Variants in PLCB4 observed in about 807,000 individuals in gnomAD.
PLCB4 encodes 1-phosphatidylinositol 4,5-bisphosphate phosphodiesterase beta-4.
A neutral mutation model predicts 178.8 loss-of-function variants in PLCB4; 77 were observed. The ratio of observed to expected loss-of-function variants is 0.43; its 90% CI spans 0.36 to 0.52. PLCB4 has a LOEUF of 0.52. Ranked by LOEUF, PLCB4 falls within the 20% of genes least tolerant of loss-of-function variation. The pLI is 0.00. For missense variants in PLCB4, 1,024 were observed against 1,453.4 expected (o/e 0.70, Z 4.80); for synonymous variants, 496 against 490.8 (o/e 1.01, Z -0.14).
chr20:9,311,808 A>G (rs1401666527), intron 4 of PLCB4, among the ~76,000 whole-genome samples: 1 of 152,204 alleles, frequency 6.6e-6, no homozygotes, highest in Non-Finnish European at 1.5e-5. Flanking sequence ...CTTAAGAAGG[A>G]GACTGCCATC....
At chr20:9,069,623 G>A (rs577941171) in intron 1 of PLCB4, among the ~76,000 whole-genome samples, 1 of 152,264 alleles carries the variant, frequency 6.6e-6, no homozygotes, top group East Asian at 1.9e-4. Flanking sequence ...ACACTGACAG[G>A]CTTAGCACTC....
intron 3 of PLCB4, among the ~76,000 whole-genome samples, chr20:9,240,438 C>T (rs2094046013): frequency 6.6e-6 from 1 of 152,148 alleles, no homozygotes; most frequent in African/African-American, 2.4e-5. Context: ...TCTCTCTGCT[C>T]ACCTTCTGCC....
intron 2 of PLCB4, among the ~76,000 whole-genome samples, chr20:9,107,889 A>G (rs1224397188): frequency 4.6e-5 from 7 of 151,976 alleles, no homozygotes; most frequent in Non-Finnish European, 1.0e-4. Context: ...GATTTTAACG[A>G]GGTTTGGAGG....
At chr20:9,166,409 G>A (rs567101551) in intron 2 of PLCB4, 134 of 152,322 alleles carry the variant, frequency 8.8e-4, no homozygotes, top group African/African-American at 2.9e-3. Flanking sequence ...AGTTGAAAGA[G>A]TCTCTCTCAG....
At chr20:9,300,627 A>G (rs1053875671) in intron 3 of PLCB4, among the ~76,000 whole-genome samples, 7 of 152,124 alleles carry the variant, frequency 4.6e-5, no homozygotes, top group Non-Finnish European at 1.0e-4. Flanking sequence ...TAGTCCTCAA[A>G]GGGGCTTTGG....
chr20:9,137,673 ATAAG>A (rs1389074526), intron 2 of PLCB4, among the ~76,000 whole-genome samples: 1 of 152,176 alleles, frequency 6.6e-6, no homozygotes, highest in Non-Finnish European at 1.5e-5. Flanking sequence ...CTAATTTTAG[ATAAG>A]TAAGTATTTT....
chr20:9,244,298 T>C (rs796566857), intron 3 of PLCB4, among the ~76,000 whole-genome samples: 19 of 152,316 alleles, frequency 1.2e-4, no homozygotes, highest in African/African-American at 4.3e-4. Context: ...CCATATAATG[T>C]GGCTGAGAAT....
chr20:9,178,809 A>G (rs1334855682), intron 2 of PLCB4, among the ~76,000 whole-genome samples: 1 of 152,124 alleles, frequency 6.6e-6, no homozygotes, highest in African/African-American at 2.4e-5. Flanking sequence ...TTTAGCCACA[A>G]AAATGTATTC....
intron 2 of PLCB4, among the ~76,000 whole-genome samples, chr20:9,128,589 T>C (rs559628084): frequency 6.6e-6 from 1 of 152,272 alleles, no homozygotes; most frequent in East Asian, 1.9e-4. Flanking sequence ...TTCGCCTTAT[T>C]GACCAGGCTG....
intron 2 of PLCB4, among the ~76,000 whole-genome samples, chr20:9,118,888 T>A (rs1254234573): frequency 2.6e-5 from 4 of 152,214 alleles, no homozygotes; most frequent in Non-Finnish European, 5.9e-5. Context: ...ATGGGCTCAG[T>A]TAACTGTCAC....
At chr20:9,242,433 T>A (rs2094074655) in intron 3 of PLCB4, among the ~76,000 whole-genome samples, 1 of 152,240 alleles carries the variant, frequency 6.6e-6, no homozygotes, top group Middle Eastern at 3.2e-3. Flanking sequence ...AACAAAGGGA[T>A]GGCTCCTTTG....
intron 2 of PLCB4, among the ~76,000 whole-genome samples, chr20:9,107,444 C>T (rs996672546): frequency 5.5e-4 from 83 of 152,238 alleles, no homozygotes; most frequent in African/African-American, 1.8e-3. Flanking sequence ...CTACCCACCC[C>T]GGCCTGAGAT....
chr20:9,300,869 A>G (rs762283686), intron 3 of PLCB4, among the ~76,000 whole-genome samples: 9 of 152,098 alleles, frequency 5.9e-5, no homozygotes, highest in Non-Finnish European at 7.4e-5. Context: ...TACTATAAAA[A>G]ATTAGCACAA....
intron 39 of PLCB4, among the ~76,000 whole-genome samples, chr20:9,477,479 A>G (rs2044624431): frequency 6.6e-6 from 1 of 152,210 alleles, no homozygotes; most frequent in South Asian, 2.1e-4. Context: ...TTCAGAAGCT[A>G]AAGGGGGACA....
intron 25 of PLCB4, among the ~76,000 whole-genome samples, chr20:9,415,116 GGTGAAT>G (rs1397497572): frequency 6.6e-6 from 1 of 152,194 alleles, no homozygotes; most frequent in Admixed American, 6.5e-5. Context: ...ATAAAAGTTA[GGTGAAT>G]GTGGTCTCAA....
At chr20:9,081,817 C>A (rs2090163382) in intron 1 of PLCB4, among the ~76,000 whole-genome samples, 1 of 138,994 alleles carries the variant, frequency 7.2e-6, no homozygotes, top group African/African-American at 2.7e-5. Flanking sequence ...CATCTGCAGA[C>A]CTATTAAAGA....
At chr20:9,157,140 A>G (rs2092805789) in intron 2 of PLCB4, among the ~76,000 whole-genome samples, 1 of 151,836 alleles carries the variant, frequency 6.6e-6, no homozygotes, top group African/African-American at 2.4e-5. Flanking sequence ...GCATTTTCTG[A>G]TTCATCAAGA....
At chr20:9,265,192 G>A (rs2094336942) in intron 3 of PLCB4, among the ~76,000 whole-genome samples, 1 of 152,056 alleles carries the variant, frequency 6.6e-6, no homozygotes, top group South Asian at 2.1e-4. Flanking sequence ...AAAAGATGAC[G>A]AGGCTGGGGA....
At chr20:9,176,116 A>G (rs561038321) in intron 2 of PLCB4, among the ~76,000 whole-genome samples, 5 of 152,242 alleles carry the variant, frequency 3.3e-5, no homozygotes, top group African/African-American at 9.6e-5. Context: ...GGAACTATGT[A>G]TTCTTTTTAT....
Sources: allele counts gnomAD v4.1 joint callset (sites outside exome capture counted in the v4.1 genomes callset), GRCh38; gene constraint gnomAD v4.1.1; transcripts MANE v1.5; gene names NCBI Gene and HGNC (gene_info 2026-07-23, HGNC 2026-07-21).